The following GABBR2 variants were observed in gnomAD, a reference collection of about 807,000 sequenced individuals.
GABBR2 encodes gamma-aminobutyric acid type B receptor subunit 2.
A neutral mutation model predicts 105.6 loss-of-function variants in GABBR2; 23 were observed. The ratio of observed to expected loss-of-function variants is 0.22; its 90% CI spans 0.16 to 0.31. The LOEUF is 0.31. GABBR2 is among the 10% of genes least tolerant of loss of function. GABBR2 has a pLI of 1.00. For missense variants in GABBR2, 734 were observed against 1,245.5 expected (o/e 0.59, Z 6.18); for synonymous variants, 478 against 499.7 (o/e 0.96, Z 0.58).
At position 98,303,382 on chromosome 9, in the gene GABBR2, G is replaced by C; in HGVS notation, c.2271C>G (p.Asn757Lys). The part of the protein sequence containing the change: ...LRTNPDAATQ[N>K]RRFQFTQNQK... ...GATTCTGAGTGAACTGGAATCGCCT[G>C]TTCTGCGTTGCTGCATCTGGGTTTG... The change falls in exon 16 of 19, where the codon AAC becomes AAG. Residue 757 changes from asparagine (N) to lysine (K), a missense_variant. This residue lies in a region of GABBR2 where 91 missense variants were observed against 185.9 expected (regional missense o/e 0.49). Transcript: ENST00000259455. The C allele has an allele frequency of 6.2e-7, 1 of 1,614,224 alleles. No homozygotes were observed. Among genetic ancestry groups the C allele is most frequent in the Non-Finnish European group, 8.5e-7 (1 of 1,180,024 alleles).
In GABBR2 at chr9:98,317,767, C is replaced by T. The variant is rs188482819; in HGVS notation, c.1894-6562G>A. The stretch of plus-strand genomic sequence containing the variant: ...TACAGGATGAATGAGACCAACATGG[C>T]GCTTGCCTTCTTGGAGGGTACATTC... On this transcript the variant is annotated intron_variant, in intron 13 of 18. Transcript: ENST00000259455. Among the ~76,000 whole-genome samples, 74 of 152,294 alleles carry T rather than the reference C, an allele frequency of 4.9e-4. 1 individual carries two copies. The East Asian group carries it at 0.011, about 22-fold the overall frequency.
At chr9:98,325,716 GGGCT>G (rs1361745308) in intron 13 of GABBR2, among the ~76,000 whole-genome samples, 1 of 152,106 alleles carries the variant, frequency 6.6e-6, no homozygotes. Flanking sequence ...TGTTCACCTG[GGGCT>G]GTTCCTGAAC....
chr9:98,532,333 G>A (rs890086332), intron 3 of GABBR2, among the ~76,000 whole-genome samples: 5 of 152,198 alleles, frequency 3.3e-5, no homozygotes, highest in African/African-American at 1.2e-4. Context: ...CAGAGAAGGA[G>A]AGGATGCTTG....
intron 3 of GABBR2, among the ~76,000 whole-genome samples, chr9:98,533,557 T>C (rs1026926661): frequency 6.6e-6 from 1 of 152,142 alleles, no homozygotes; most frequent in East Asian, 1.9e-4. Flanking sequence ...TCACTGAACA[T>C]ACCTGCACCA....
rs1832485552 is a variant in GABBR2 at position 98,406,139 on chromosome 9, A to G, written c.1239T>C (p.Gly413=). Residue 413 remains glycine, a splice_region_variant and synonymous_variant, in exon 8 of 19, where the codon GGT becomes GGC. Transcript: ENST00000259455. ...MNETNFFGVT[G]QVVFRNGERM... ...TCTCCCCATTCCGGAATACAACTTG[A>G]CCCTAAAAACAAAACAAAACAAATC... 21 of 1,570,992 alleles carry G rather than the reference A, an allele frequency of 1.3e-5. No individual in the cohort carries two copies. The highest frequency in any genetic ancestry group is 1.8e-5 in the Non-Finnish European group (21 of 1,157,034).
At chr9:98,345,417 C>T (rs1009722656) in intron 13 of GABBR2, among the ~76,000 whole-genome samples, 1 of 152,186 alleles carries the variant, frequency 6.6e-6, no homozygotes, top group African/African-American at 2.4e-5. Flanking sequence ...CAAAGGCATC[C>T]TCAGTTTTGG....
intron 3 of GABBR2, chr9:98,538,628 A>T (rs1828228845): frequency 1.0e-6 from 1 of 982,954 alleles, no homozygotes; most frequent in Non-Finnish European, 1.2e-6. Context: ...CCGCTTCCAT[A>T]GTCCTAATGC....
At chr9:98,423,241 G>A (rs567393328) in intron 7 of GABBR2, among the ~76,000 whole-genome samples, 1 of 152,330 alleles carries the variant, frequency 6.6e-6, no homozygotes, top group East Asian at 1.9e-4. Flanking sequence ...GTGTAAAAGT[G>A]TTCCTATTTC....
intron 1 of GABBR2, among the ~76,000 whole-genome samples, chr9:98,621,980 G>C (rs536765324): frequency 6.7e-6 from 1 of 148,980 alleles, no homozygotes; most frequent in Non-Finnish European, 1.5e-5. Context: ...TTTTAAGACC[G>C]AAAAAAAAAT....
intron 7 of GABBR2, among the ~76,000 whole-genome samples, chr9:98,436,435 A>G (rs1825928404): frequency 8.2e-6 from 1 of 122,014 alleles, no homozygotes. Flanking sequence ...CTACTACCAC[A>G]GATCCTTCAA....
At chr9:98,467,926 C>G (rs188168989) in intron 6 of GABBR2, among the ~76,000 whole-genome samples, 3 of 152,328 alleles carry the variant, frequency 2.0e-5, no homozygotes, top group African/African-American at 7.2e-5. Flanking sequence ...TAAATGCTCA[C>G]AAAGGAAACA....
chr9:98,369,292 G>T (rs749039238), intron 12 of GABBR2, among the ~76,000 whole-genome samples: 1 of 152,312 alleles, frequency 6.6e-6, no homozygotes, highest in South Asian at 2.1e-4. Flanking sequence ...GATTTCCTAA[G>T]GTGGTTCGGG....
chr9:98,312,847 T>A (rs1431494881), intron 13 of GABBR2, among the ~76,000 whole-genome samples: 1 of 152,156 alleles, frequency 6.6e-6, no homozygotes, highest in African/African-American at 2.4e-5. Context: ...CCTCCTGAGT[T>A]CAAGCAATTC....
intron 6 of GABBR2, among the ~76,000 whole-genome samples, chr9:98,472,092 C>T (rs2808555): frequency 0.76 from 115,600 of 152,022 alleles, 44,620 homozygotes; most frequent in East Asian, 0.9. Context: ...TATATTTTTC[C>T]TTATTATAAA....
chr9:98,578,166 C>T (rs1828947946), intron 1 of GABBR2, 94 bp from the exon 2 acceptor site: 5 of 1,409,804 alleles, frequency 3.5e-6, no homozygotes, highest in Non-Finnish European at 4.9e-6. Context: ...TCATGGAAAC[C>T]TTCTGGGTTT....
At chr9:98,512,918 A>G (rs1286171701) in intron 3 of GABBR2, among the ~76,000 whole-genome samples, 2 of 152,204 alleles carry the variant, frequency 1.3e-5, no homozygotes, top group Non-Finnish European at 2.9e-5. Context: ...TAAAGTTCAT[A>G]TGGAACCAAA....
In GABBR2 at chr9:98,659,587, T is replaced by C. The variant is rs1830230991; in HGVS notation, c.321+48830A>G. On this transcript the variant is annotated intron_variant, in intron 1 of 18. Transcript: ENST00000259455. ...CCCAGGCTGGAGTGCAGTGGCACGA[T>C]CTCAGCTCACTGCAATCTCTGCCTC... is the stretch of plus-strand genomic sequence containing the variant. 2.1e-5 allele frequency among the ~76,000 whole-genome samples: 3 copies of C among 145,124 alleles called. No individual in the cohort carries two copies. In the South Asian group the frequency reaches 6.6e-4, roughly 32 times the overall value.
At chr9:98,364,802 T>C (rs915901886) in intron 12 of GABBR2, among the ~76,000 whole-genome samples, 8 of 152,144 alleles carry the variant, frequency 5.3e-5, no homozygotes, top group African/African-American at 1.9e-4. Context: ...GGTTTCACCA[T>C]GTTGACCAGG....
intron 13 of GABBR2, among the ~76,000 whole-genome samples, chr9:98,358,196 T>C (rs1380535905): frequency 2.0e-5 from 3 of 152,238 alleles, no homozygotes; most frequent in African/African-American, 7.2e-5. Context: ...TCCTTGGGCA[T>C]ATGTGTGAGA....
Sources: allele counts gnomAD v4.1 joint callset (sites outside exome capture counted in the v4.1 genomes callset), GRCh38; gene constraint gnomAD v4.1.1; regional missense constraint gnomAD v4.1.1; transcripts MANE v1.5; gene names NCBI Gene and HGNC (gene_info 2026-07-23, HGNC 2026-07-21).